Variants in FAM174B observed in about 807,000 individuals in gnomAD.
FAM174B encodes membrane protein FAM174B.
In FAM174B, 12 loss-of-function variants were observed where a neutral mutation model predicts 10.9. That is an observed-to-expected ratio of 1.10 (90% CI 0.71 to 1.79). FAM174B has a LOEUF of 1.79. FAM174B is among the 40% of genes most tolerant of loss of function. FAM174B has a pLI of 0.00. For missense variants in FAM174B, 266 were observed against 233.3 expected (o/e 1.14, Z -0.91); for synonymous variants, 132 against 115.8 (o/e 1.14, Z -0.90).
At chr15:92,635,478 C>T (rs970901776) in intron 1 of FAM174B, among the ~76,000 whole-genome samples, 3 of 151,798 alleles carry the variant, frequency 2.0e-5, no homozygotes, top group Admixed American at 6.6e-5. Context: ...CAAGGGTCTT[C>T]GCGGATGGTA....
chr15:92,648,099 T>C lies in FAM174B; in HGVS notation c.344+7217A>G, dbSNP rs144458641. Among the ~76,000 whole-genome samples, 425 of 152,322 alleles carry C rather than the reference T, an allele frequency of 2.8e-3. 2 individuals are homozygous for C. Among genetic ancestry groups the C allele is most frequent in the African/African-American group, 9.5e-3 (394 of 41,582 alleles). On this transcript the variant is annotated intron_variant, in intron 1 of 2. Coordinates refer to ENST00000327355, the MANE Select transcript of FAM174B (RefSeq NM_207446.3). ...CCCACTTCAAGAAGCCCTGCCTTTC[T>C]GGGCTGAACCAAAGTAAACCATCCA...
At chr15:92,629,937 T>TC (rs2050779794) in intron 2 of FAM174B, among the ~76,000 whole-genome samples, 1 of 152,186 alleles carries the variant, frequency 6.6e-6, no homozygotes, top group Admixed American at 6.5e-5. Context: ...ACTTTGCTCC[T>TC]CCTTGCCTTC....
intron 2 of FAM174B, among the ~76,000 whole-genome samples, chr15:92,629,467 G>A (rs745627078): frequency 3.3e-5 from 5 of 152,112 alleles, no homozygotes; most frequent in East Asian, 1.9e-4. Context: ...AGCCACCCAC[G>A]TCCTCAGCTA....
chr15:92,647,612 T>C lies in FAM174B; in HGVS notation c.344+7704A>G, dbSNP rs572387424. 4.5e-4 allele frequency among the ~76,000 whole-genome samples: 69 copies of C among 152,266 alleles called. 1 individual carries two copies. Among genetic ancestry groups the C allele is most frequent in the African/African-American group, 1.7e-3 (69 of 41,540 alleles). ...AGCATTAATAATGAAATAGAGATCA[T>C]AAGACTGGCAAAACAAGGCTCTTTG... is the stretch of plus-strand genomic sequence containing the variant. On this transcript the variant is annotated intron_variant, in intron 1 of 2. Coordinates refer to ENST00000327355, the MANE Select transcript of FAM174B (RefSeq NM_207446.3).
chr15:92,626,648 G>A (rs1456603132), intron 2 of FAM174B, among the ~76,000 whole-genome samples: 3 of 152,052 alleles, frequency 2.0e-5, no homozygotes, highest in Non-Finnish European at 2.9e-5. Context: ...GGTCTGGAGC[G>A]GGAAACTTAT....
At chr15:92,637,426 C>G (rs1224795856) in intron 1 of FAM174B, among the ~76,000 whole-genome samples, 1 of 152,228 alleles carries the variant, frequency 6.6e-6, no homozygotes, top group African/African-American at 2.4e-5. Flanking sequence ...TTCACCAAAG[C>G]CAGCCGGGGC....
At chr15:92,633,524 G>C (rs1288283378) in intron 1 of FAM174B, among the ~76,000 whole-genome samples, 1 of 152,128 alleles carries the variant, frequency 6.6e-6, no homozygotes, top group Non-Finnish European at 1.5e-5. Flanking sequence ...TTATCACAAA[G>C]CATTTTTCGT....
chr15:92,619,074 G>GTT lies in FAM174B; in HGVS notation c.*380_*381dup. 1.6e-6 allele frequency: 1 copy of GTT among 624,304 alleles called. No individual in the cohort carries two copies. The highest frequency in any genetic ancestry group is 2.9e-6 in the Non-Finnish European group (1 of 349,948). The allele number at this position is 624,304 out of a possible 1,614,324, so 38.7% of individuals were successfully genotyped here. A position where few individuals can be genotyped will look rare whatever the true frequency, so the allele number is the denominator to read the frequency against. On this transcript the variant is annotated 3_prime_UTR_variant, in exon 3 of 3. Coordinates refer to ENST00000327355, the MANE Select transcript of FAM174B (RefSeq NM_207446.3). Reference sequence around the variant, plus strand: ...ACACAGTTGGACATCCTTCAGGCTTGTTTTAGATTCTTGATCCTCCTGATC... The same window carrying GTT: ...ACACAGTTGGACATCCTTCAGGCTTGTTTTTTAGATTCTTGATCCTCCTGATC...
At chr15:92,633,005 G>A (rs180984197) in intron 1 of FAM174B, among the ~76,000 whole-genome samples, 148 of 152,150 alleles carry the variant, frequency 9.7e-4, no homozygotes, top group African/African-American at 3.4e-3. Context: ...GATGACTGAC[G>A]TTCTTTGTGT....
intron 1 of FAM174B, among the ~76,000 whole-genome samples, chr15:92,646,095 A>AGTCCTCCC (rs1567049587): frequency 6.6e-6 from 1 of 151,058 alleles, no homozygotes; most frequent in Non-Finnish European, 1.5e-5. Flanking sequence ...TCAGGCCTCC[A>AGTCCTCCC]GTCCTCCCAA....
chr15:92,627,400 T>C (rs2050760177), intron 2 of FAM174B: 3 of 170,824 alleles, frequency 1.8e-5, no homozygotes, highest in African/African-American at 2.4e-5. Context: ...TGAGACAAGC[T>C]GTGGAAGTTT....
chr15:92,622,178 G>A (rs1475651596), intron 2 of FAM174B, among the ~76,000 whole-genome samples: 3 of 152,196 alleles, frequency 2.0e-5, no homozygotes, highest in Non-Finnish European at 2.9e-5. Context: ...AATCTTACGG[G>A]GATCCCCTAC....
At chr15:92,631,400 TTATATTA>T (rs2050813800) in intron 1 of FAM174B, among the ~76,000 whole-genome samples, 1 of 31,460 alleles carries the variant, frequency 3.2e-5, no homozygotes, top group Non-Finnish European at 5.1e-5. Flanking sequence ...ATATATTATA[TTATATTA>T]TATATAATAT....
intron 2 of FAM174B, among the ~76,000 whole-genome samples, chr15:92,623,091 G>A (rs1023243588): frequency 1.1e-4 from 17 of 151,964 alleles, no homozygotes; most frequent in African/African-American, 4.1e-4. Context: ...GGGAGGCAGA[G>A]GGTGCAATGA....
rs749502609 is a variant in FAM174B, at chr15:92,630,300, G to A, written c.390C>T (p.Thr130=). ...LKKTRKYDII[T]TPAERVEMAP... is the part of the protein sequence containing the mutation. ...CCATTTCCACTCGCTCTGCTGGAGT[G>A]GTGATGATATCATACTTGCGTGTCT... is the stretch of plus-strand genomic sequence containing the variant. Residue 130 remains threonine (T), a synonymous_variant, in exon 2 of 3, where the codon ACC becomes ACT. Transcript: ENST00000327355. 21 of 1,613,646 alleles carry A rather than the reference G, an allele frequency of 1.3e-5. No homozygotes were observed. Among genetic ancestry groups the A allele is most frequent in the Non-Finnish European group, 1.7e-5 (20 of 1,179,720 alleles).
At chr15:92,650,783 C>T (rs1265344793) in intron 1 of FAM174B, among the ~76,000 whole-genome samples, 1 of 152,196 alleles carries the variant, frequency 6.6e-6, no homozygotes, top group Non-Finnish European at 1.5e-5. Context: ...CTTTCTACTT[C>T]CTAGAGACAG....
chr15:92,646,255 T>G (rs897794931), intron 1 of FAM174B, among the ~76,000 whole-genome samples: 2 of 152,166 alleles, frequency 1.3e-5, no homozygotes, highest in East Asian at 3.9e-4. Flanking sequence ...ACTTCACTCT[T>G]GTATTAAAAT....
chr15:92,645,390 TGAAGAGCTCAATGACAA>T (rs2050919813), intron 1 of FAM174B: 2 of 152,278 alleles, frequency 1.3e-5, no homozygotes, highest in Non-Finnish European at 2.9e-5. Context: ...CAGACAACCC[TGAAGAGCTCAATGACAA>T]GTCTTCAGGT....
At chr15:92,631,463 A>C (rs1298578832) in intron 1 of FAM174B, among the ~76,000 whole-genome samples, 2 of 63,304 alleles carry the variant, frequency 3.2e-5, no homozygotes, top group Non-Finnish European at 5.3e-5. Flanking sequence ...AATATATATT[A>C]TATATAATTT....
Sources: gnomAD v4.1 joint callset for allele counts (sites outside exome capture counted in the v4.1 genomes callset) on GRCh38, gnomAD v4.1.1 for gene constraint, MANE v1.5 for transcripts, NCBI Gene and HGNC (gene_info 2026-07-23, HGNC 2026-07-21) for gene names.